Variants in RASA2 observed in about 807,000 individuals in gnomAD.
The protein encoded by RASA2 is ras GTPase-activating protein 2.
RASA2 carries 155 observed loss-of-function variants against 118.2 expected under a neutral mutation model. The observed-to-expected ratio is 1.31, with a 90% confidence interval of 1.15 to 1.50. RASA2 has a LOEUF of 1.50. Among genes scored for constraint, RASA2 ranks in the 40% most tolerant of loss-of-function variants. The pLI is 0.00. For synonymous variants in RASA2, 353 were observed against 349.1 expected (o/e 1.01, Z -0.12); for missense variants, 1,016 against 1,009.6 (o/e 1.01, Z -0.09).
At chr3:141,533,224 A>G (rs960141489) in intron 4 of RASA2, among the ~76,000 whole-genome samples, 1 of 152,110 alleles carries the variant, frequency 6.6e-6, no homozygotes, top group Non-Finnish European at 1.5e-5. Flanking sequence ...TCAGATGTCT[A>G]CTTCAATCTA....
At position 141,586,721 on chromosome 3, in the gene RASA2, A is replaced by C. The variant is rs761479953; in HGVS notation, c.1902A>C (p.Thr634=). The C allele has an allele frequency of 3.7e-6, 6 of 1,613,532 alleles. No individual in the cohort carries two copies. In the East Asian group the frequency reaches 1.3e-4, roughly 36 times the overall value. ...TTAAGAAACGATGGTTCTGCTTAAC[A>C]AGCAGAGAGCTCACCTACCACAAAC... ...KNFKKRWFCL[T]SRELTYHKQP... Residue 634 remains threonine, a synonymous_variant, in exon 19 of 24, where the codon ACA becomes ACC. Coordinates refer to ENST00000286364, the MANE Select transcript of RASA2 (RefSeq NM_006506.5).
chr3:141,607,565 A>G (rs1305931982), intron 19 of RASA2, 113 bp from the exon 20 acceptor site: 19 of 1,106,094 alleles, frequency 1.7e-5, no homozygotes, highest in African/African-American at 3.3e-5. Context: ...TCTGTAGGTT[A>G]TTTACACTCC....
intron 19 of RASA2, among the ~76,000 whole-genome samples, chr3:141,589,461 A>T (rs756496559): frequency 1.6e-4 from 24 of 152,194 alleles, no homozygotes; most frequent in Non-Finnish European, 3.1e-4. Flanking sequence ...TTTTGCATTT[A>T]ACTTCAGGGA....
intron 15 of RASA2, 47 bp from the exon 16 acceptor site, chr3:141,580,321 T>G (rs761841581): frequency 2.8e-6 from 4 of 1,416,070 alleles, no homozygotes; most frequent in Non-Finnish European, 3.9e-6. Context: ...TTATACAAAC[T>G]ATTTTCTTGA....
chr3:141,502,871 C>G (rs988366190), intron 1 of RASA2, among the ~76,000 whole-genome samples: 1 of 152,124 alleles, frequency 6.6e-6, no homozygotes, highest in African/African-American at 2.4e-5. Flanking sequence ...CTTCAGGTAA[C>G]CTTTGAAGCA....
At chr3:141,566,975 A>G (rs1033566032) in intron 9 of RASA2, among the ~76,000 whole-genome samples, 2 of 152,300 alleles carry the variant, frequency 1.3e-5, no homozygotes, top group Middle Eastern at 3.4e-3. Context: ...AGCAATGCTT[A>G]AAAAAACTCA....
In RASA2 at chr3:141,586,641, G is replaced by A; in HGVS notation, c.1827-5G>A. 1 of 1,571,032 alleles carries A rather than the reference G, an allele frequency of 6.4e-7. No individual in the cohort carries two copies. Among genetic ancestry groups the A allele is most frequent in the Non-Finnish European group, 8.7e-7 (1 of 1,143,162 alleles). ...GCTAAATGTTTACATCTGTTATGTT[G>A]GCAGTGAGATGTATAAAAGAGCTCA... On this transcript the variant is annotated splice_polypyrimidine_tract_variant and splice_region_variant and intron_variant, in intron 18 of 23. Transcript: ENST00000286364.
At chr3:141,591,901 C>G (rs1039343807) in intron 19 of RASA2, among the ~76,000 whole-genome samples, 1 of 150,818 alleles carries the variant, frequency 6.6e-6, no homozygotes, top group Non-Finnish European at 1.5e-5. Flanking sequence ...TTTCTGATAG[C>G]TAAAGAACAA....
intron 11 of RASA2, among the ~76,000 whole-genome samples, 166 bp downstream of exon 11, chr3:141,571,720 C>G (rs1353093984): frequency 6.6e-6 from 1 of 152,090 alleles, no homozygotes; most frequent in Non-Finnish European, 1.5e-5. Context: ...AGCTATCAAA[C>G]AGTATTCACC....
At chr3:141,556,194 A>G (rs1164490520) in intron 7 of RASA2, among the ~76,000 whole-genome samples, 1 of 152,116 alleles carries the variant, frequency 6.6e-6, no homozygotes, top group African/African-American at 2.4e-5. Flanking sequence ...CCCTTACCCT[A>G]CCCAGCTCCC....
intron 3 of RASA2, among the ~76,000 whole-genome samples, chr3:141,524,708 A>C (rs1478085257): frequency 6.6e-6 from 1 of 152,028 alleles, no homozygotes; most frequent in Non-Finnish European, 1.5e-5. Flanking sequence ...CTCTTGTCTC[A>C]GCCTCCCGAG....
chr3:141,540,471 A>G, intron 4 of RASA2, 62 bp from the exon 5 acceptor site: 1 of 1,370,764 alleles, frequency 7.3e-7, no homozygotes, highest in Non-Finnish European at 1.0e-6. Context: ...GAAAAGGCAC[A>G]TACCTTTAAT....
chr3:141,551,896 G>T (rs1428887273), intron 5 of RASA2, among the ~76,000 whole-genome samples: 2 of 151,916 alleles, frequency 1.3e-5, no homozygotes, highest in African/African-American at 2.4e-5. Context: ...CCTTATTGAG[G>T]TTATTTTCAA....
In RASA2 at chr3:141,544,401, T is replaced by A. The variant is rs570247325; in HGVS notation, c.527+3792T>A. On this transcript the variant is annotated intron_variant, in intron 5 of 23. Coordinates refer to ENST00000286364, the MANE Select transcript of RASA2 (RefSeq NM_006506.5). ...CCAGTGGCACAAATGTTAGGTCTTT[T>A]TTTTACAGTCCCAGAGGTCCCCCTG... 1.1e-4 allele frequency among the ~76,000 whole-genome samples: 16 copies of A among 152,292 alleles called. No individual in the cohort carries two copies. In the East Asian group the frequency reaches 2.9e-3, roughly 28 times the overall value.
chr3:141,499,734 G>T (rs1477123497), intron 1 of RASA2, among the ~76,000 whole-genome samples: 2 of 152,250 alleles, frequency 1.3e-5, no homozygotes, highest in South Asian at 2.1e-4. Flanking sequence ...GATTAGCTGG[G>T]ACTGCAGGTG....
chr3:141,571,492 GCA>G lies in RASA2; in HGVS notation c.1109_1110del (p.His370ProfsTer2), dbSNP rs867583257. ...AVLPLVRLLL[H>X]HDKLVPFATA... is the part of the protein sequence containing the mutation. ...TTTTGCCCCTTGTACGACTGCTGCT[GCA>G]CCATGATAAACTTGTTCCTTTTGCC... is the stretch of plus-strand genomic sequence containing the variant. On this transcript the variant is annotated frameshift_variant, in exon 11 of 24. Coordinates refer to ENST00000286364, the MANE Select transcript of RASA2 (RefSeq NM_006506.5). LOFTEE classifies it high-confidence loss of function. The G allele has an allele frequency of 6.2e-7, 1 of 1,613,120 alleles. No individual in the cohort carries two copies. Among genetic ancestry groups the G allele is most frequent in the Non-Finnish European group, 8.5e-7 (1 of 1,179,408 alleles).
chr3:141,524,435 A>G (rs1445854985), intron 3 of RASA2, among the ~76,000 whole-genome samples: 2 of 152,174 alleles, frequency 1.3e-5, no homozygotes, highest in African/African-American at 4.8e-5. Flanking sequence ...TTTACCACAA[A>G]GACCAAAATA....
In RASA2 at chr3:141,586,118, C is replaced by T. The variant is rs373342734; in HGVS notation, c.1826+20C>T. The T allele has an allele frequency of 4.7e-5, 73 of 1,562,846 alleles. No individual in the cohort carries two copies. The African/African-American group carries it at 4.9e-4, about 10-fold the overall frequency. On this transcript the variant is annotated intron_variant, in intron 18 of 23. Coordinates refer to ENST00000286364, the MANE Select transcript of RASA2 (RefSeq NM_006506.5). ...AGAAGGGTAATTTAATCAAATTAGA[C>T]GTGAAAGTCATATATCAGTATAGAT...
chr3:141,545,352 C>T (rs1434577145), intron 5 of RASA2, among the ~76,000 whole-genome samples: 1 of 151,954 alleles, frequency 6.6e-6, no homozygotes, highest in Non-Finnish European at 1.5e-5. Flanking sequence ...GCAGCATCTG[C>T]TTCTGGGGAG....
Sources: allele counts gnomAD v4.1 joint callset (sites outside exome capture counted in the v4.1 genomes callset), GRCh38; gene constraint gnomAD v4.1.1; transcripts MANE v1.5; gene names NCBI Gene and HGNC (gene_info 2026-07-23, HGNC 2026-07-21).